The following SFMBT2 variants were observed in gnomAD, a reference collection of about 807,000 sequenced individuals.
The protein encoded by SFMBT2 is Scm like with four mbt domains 2.
SFMBT2 carries 38 observed loss-of-function variants against 110.1 expected under a neutral mutation model. The observed-to-expected ratio is 0.35, with a 90% CI of 0.27 to 0.45. The LOEUF (loss-of-function observed/expected upper bound fraction) is 0.45. Among genes scored for constraint, SFMBT2 ranks in the 20% least tolerant of loss-of-function variants. The pLI is 1.00. For missense variants in SFMBT2, 1,011 were observed against 1,094.9 expected (o/e 0.92, Z 1.08); for synonymous variants, 425 against 425.4 (o/e 1.00, Z 0.01).
chr10:7,371,041 A>G (rs1019242202), intron 2 of SFMBT2, among the ~76,000 whole-genome samples: 1 of 152,240 alleles, frequency 6.6e-6, no homozygotes, highest in African/African-American at 2.4e-5. Context: ...TGTTTCTCCA[A>G]CCACAAGGAA....
At chr10:7,226,883 C>T (rs1839912554) in intron 10 of SFMBT2, among the ~76,000 whole-genome samples, 1 of 152,152 alleles carries the variant, frequency 6.6e-6, no homozygotes, top group Admixed American at 6.5e-5. Context: ...GTAGTATAGG[C>T]TATACCATCT....
At chr10:7,246,718 C>CAAAAA (rs397949347) in intron 8 of SFMBT2, among the ~76,000 whole-genome samples, 138 of 71,296 alleles carry the variant, frequency 1.9e-3, no homozygotes, top group South Asian at 2.8e-3. Flanking sequence ...GACTCCATCT[C>CAAAAA]AAAAAAAAAA....
At chr10:7,247,156 G>A (rs1405834170) in intron 8 of SFMBT2, among the ~76,000 whole-genome samples, 1 of 152,076 alleles carries the variant, frequency 6.6e-6, no homozygotes. Context: ...TCACTTTGTT[G>A]CCCAGGCTGG....
At chr10:7,189,297 G>A (rs1428755512) in intron 15 of SFMBT2, 1 of 513,330 alleles carries the variant, frequency 1.9e-6, no homozygotes, top group African/African-American at 2.1e-5. Context: ...AGAGAGTCTG[G>A]AATATCCAGC....
Position 7,285,881 on chromosome 10 carries a change from G to A in SFMBT2, c.510C>T (p.Ala170=). The change falls in exon 5 of 21, where the codon GCC becomes GCT. Residue 170 remains alanine (A), a synonymous_variant. Transcript: ENST00000397167. ...CAATACATACACCTTCCAGGAGGTT[G>A]GCGGGTGCTGTCCTCGAACCAGTCA... is the stretch of plus-strand genomic sequence containing the variant. ...RDLTGSRTAP[A]NLLEGPLRGK... The A allele has an allele frequency of 3.4e-6, 3 of 872,666 alleles. No individual in the cohort carries two copies. The highest frequency in any genetic ancestry group is 4.0e-6 in the Non-Finnish European group (2 of 501,622). 54.1% of individuals were successfully genotyped at this position (872,666 alleles called of 1,614,324 possible).
chr10:7,382,518 T>A (rs1845452957), intron 1 of SFMBT2, among the ~76,000 whole-genome samples: 1 of 152,168 alleles, frequency 6.6e-6, no homozygotes. Flanking sequence ...GAGGTCATTA[T>A]CACCACTAAG....
chr10:7,241,786 T>C (rs1015989699), intron 9 of SFMBT2, among the ~76,000 whole-genome samples: 14 of 152,300 alleles, frequency 9.2e-5, no homozygotes, highest in African/African-American at 3.1e-4. Context: ...TCATAGAAAA[T>C]GTATCTTAAA....
intron 4 of SFMBT2, among the ~76,000 whole-genome samples, chr10:7,316,388 G>A (rs12769557): frequency 3.3e-5 from 5 of 152,132 alleles, no homozygotes; most frequent in Non-Finnish European, 7.3e-5. Context: ...GGGCTGGGTG[G>A]AGGCTGGTGG....
intron 12 of SFMBT2, chr10:7,205,548 A>G (rs1220093415): frequency 1.0e-6 from 1 of 985,338 alleles, no homozygotes; most frequent in Non-Finnish European, 1.2e-6. Flanking sequence ...AATTGTATAA[A>G]AAACTGAGAG....
At chr10:7,273,712 C>T (rs981328484) in intron 7 of SFMBT2, among the ~76,000 whole-genome samples, 6 of 152,276 alleles carry the variant, frequency 3.9e-5, no homozygotes, top group Admixed American at 2.0e-4. Flanking sequence ...TGAGAACATG[C>T]GGTGTTTGAT....
At chr10:7,181,163 C>T in intron 16 of SFMBT2, among the ~76,000 whole-genome samples, 1 of 150,406 alleles carries the variant, frequency 6.6e-6, no homozygotes, top group South Asian at 2.1e-4. Flanking sequence ...CGCTGGAACC[C>T]AGGAGGCGGG....
chr10:7,228,277 A>T (rs1839958519), intron 9 of SFMBT2: 2 of 396,310 alleles, frequency 5.0e-6, no homozygotes, highest in African/African-American at 4.3e-5. Context: ...GTGCAGAGAT[A>T]GACAATGACA....
intron 4 of SFMBT2, among the ~76,000 whole-genome samples, chr10:7,315,108 G>GA (rs869110068): frequency 6.8e-5 from 9 of 132,846 alleles, no homozygotes; most frequent in African/African-American, 2.1e-4. Flanking sequence ...AAGAAAGAAA[G>GA]AAAAAGCAAG....
chr10:7,250,185 A>G (rs1328329364), intron 7 of SFMBT2, among the ~76,000 whole-genome samples: 1 of 152,106 alleles, frequency 6.6e-6, no homozygotes, highest in East Asian at 1.9e-4. Flanking sequence ...GGCATACTAT[A>G]CTCAGGTAGT....
At chr10:7,369,860 C>A (rs1845014662) in intron 3 of SFMBT2, among the ~76,000 whole-genome samples, 1 of 151,994 alleles carries the variant, frequency 6.6e-6, no homozygotes, top group South Asian at 2.1e-4. Context: ...GCTGAATTTC[C>A]ATCTTGCCTT....
In SFMBT2 at chr10:7,172,046, G is replaced by A. The variant is rs1246294822; in HGVS notation, c.2264C>T (p.Ala755Val). Residue 755 changes from alanine to valine, a missense_variant, in exon 19 of 21, where the codon GCC becomes GTC. By Grantham distance (64) the Ala-to-Val change is moderately conservative. Around this residue, in one of 2 missense-constraint regions of SFMBT2, gnomAD observed 979 missense variants for 1,016.1 expected, o/e 0.96. Transcript: ENST00000397167. The surrounding 1 kb of genome is among the most constrained non-coding windows in gnomAD (Gnocchi z 4.6). Reference sequence around the variant, plus strand: ...CAGGGTGACGGCCCTCCGGGGCCGGGCCGAGGGCACCTCCGCCGACGAGGT... The same window carrying A: ...CAGGGTGACGGCCCTCCGGGGCCGGACCGAGGGCACCTCCGCCGACGAGGT... ...TDTSSAEVPSARPRRAVTLRS... is the reference protein window; with the variant it reads ...TDTSSAEVPSVRPRRAVTLRS... 6.3e-7 allele frequency: 1 copy of A among 1,593,878 alleles called. No homozygotes were observed. The highest frequency in any genetic ancestry group is 8.5e-7 in the Non-Finnish European group (1 of 1,170,700).
In SFMBT2 at chr10:7,176,049, G is replaced by C; in HGVS notation, c.1925C>G (p.Pro642Arg). Reference sequence around the variant, plus strand: ...TGGGCAGTTTTCAGATATCAGCACAGGACTAAACAAATTTGGACAGCACTC... The same window carrying C: ...TGGGCAGTTTTCAGATATCAGCACACGACTAAACAAATTTGGACAGCACTC... ...KLECCPNLFS[P>R]VLISENCPEN... The change falls in exon 17 of 21, where the codon CCT becomes CGT. Residue 642 changes from proline (P) to arginine (R), a missense_variant. This residue lies in a region of SFMBT2 where 979 missense variants were observed against 1,016.1 expected (regional missense o/e 0.96). Coordinates refer to ENST00000397167, the MANE Select transcript of SFMBT2 (RefSeq NM_001387889.1). 1 of 1,614,146 alleles carries C rather than the reference G, an allele frequency of 6.2e-7. No homozygotes were observed. Among genetic ancestry groups the C allele is most frequent in the Non-Finnish European group, 8.5e-7 (1 of 1,180,030 alleles).
intron 14 of SFMBT2, among the ~76,000 whole-genome samples, chr10:7,198,834 AG>A (rs375578120): frequency 0.012 from 1,842 of 152,242 alleles, 26 homozygotes; most frequent in Non-Finnish European, 0.017. Context: ...TGAGGTCAGG[AG>A]TTCCAGATCA....
In SFMBT2 at chr10:7,188,679, A is replaced by G; in HGVS notation, c.1753T>C (p.Leu585=). The change falls in exon 16 of 21, where the codon TTA becomes CTA. Residue 585 remains leucine, a synonymous_variant. Coordinates refer to ENST00000397167, the MANE Select transcript of SFMBT2 (RefSeq NM_001387889.1). The part of the protein sequence containing the change: ...AYKPGRVLRE[L]QLVEDPHWNF... ...CAGTGGGGATCTTCTACCAGCTGTAATTCTCTTAATACCCTTCCAGGCTTG... is the reference window on the plus strand; with the variant it reads ...CAGTGGGGATCTTCTACCAGCTGTAGTTCTCTTAATACCCTTCCAGGCTTG... 1.2e-6 allele frequency: 2 copies of G among 1,613,772 alleles called. No individual in the cohort carries two copies. The highest frequency in any genetic ancestry group is 1.7e-6 in the Non-Finnish European group (2 of 1,179,824).
Sources: allele counts gnomAD v4.1 joint callset (sites outside exome capture counted in the v4.1 genomes callset), GRCh38; gene constraint gnomAD v4.1.1; regional missense constraint gnomAD v4.1.1; non-coding constraint Gnocchi (gnomAD v3.1); transcripts MANE v1.5; gene names NCBI Gene and HGNC (gene_info 2026-07-23, HGNC 2026-07-21).